Variants in LUZP2 observed in about 807,000 individuals in gnomAD.
LUZP2 encodes the protein leucine zipper protein 2.
A neutral mutation model predicts 51.6 loss-of-function variants in LUZP2; 52 were observed. That is an observed-to-expected ratio of 1.01 (90% confidence interval 0.81 to 1.27). LUZP2 has a LOEUF of 1.27. Ranked by LOEUF, LUZP2 falls within the 50% of genes most tolerant of loss-of-function variation. LUZP2 has a pLI of 0.00. For missense variants in LUZP2, 436 were observed against 395.4 expected, an observed-to-expected ratio of 1.10 and a Z score of -0.87; for synonymous variants, 154 against 137.3, an observed-to-expected ratio of 1.12 and a Z score of -0.85.
Position 24,764,489 on chromosome 11 carries a change from C to CAAAAAAAAAAAAAAAA in LUZP2, c.396+1181_396+1182insAAAAAAAAAAAAAAAA, listed in dbSNP as rs1565124723. Among the ~76,000 whole-genome samples, 56 of 56,400 alleles carry CAAAAAAAAAAAAAAAA rather than the reference C, an allele frequency of 9.9e-4. 6 individuals carry two copies. The highest frequency in any genetic ancestry group is 2.7e-3 in the East Asian group (6 of 2,196). 37.0% of individuals were successfully genotyped at this position (56,400 alleles called of 152,430 possible). On this transcript the variant is annotated intron_variant, in intron 5 of 11. Transcript: ENST00000336930. ...TGGACAACATGGTAAAATCTCATCT[C>CAAAAAAAAAAAAAAAA]TAAAAAAAAAAAAAAAAAAAAAAAA...
At chr11:24,523,075 G>T (rs1033057618) in intron 1 of LUZP2, among the ~76,000 whole-genome samples, 1 of 151,890 alleles carries the variant, frequency 6.6e-6, no homozygotes, top group Non-Finnish European at 1.5e-5. Flanking sequence ...TCCTTGACAA[G>T]TTATCCCAAG....
intron 7 of LUZP2, among the ~76,000 whole-genome samples, chr11:24,921,327 A>G (rs988989743): frequency 1.3e-5 from 2 of 152,138 alleles, no homozygotes; most frequent in South Asian, 2.1e-4. Context: ...TGGTTTGACC[A>G]GGTGTGTCAT....
intron 10 of LUZP2, among the ~76,000 whole-genome samples, chr11:25,050,910 CTT>C (rs971252125): frequency 4.6e-5 from 7 of 152,268 alleles, no homozygotes; most frequent in Non-Finnish European, 1.0e-4. Context: ...TTCAATGAGT[CTT>C]TTCACTCTTT....
intron 7 of LUZP2, among the ~76,000 whole-genome samples, chr11:24,954,944 A>G (rs1338969499): frequency 1.3e-5 from 2 of 152,128 alleles, no homozygotes; most frequent in East Asian, 3.9e-4. Flanking sequence ...GTACCAAATA[A>G]TTTTCCACAA....
intron 1 of LUZP2, among the ~76,000 whole-genome samples, chr11:24,628,284 A>G (rs1258672393): frequency 6.6e-6 from 1 of 152,032 alleles, no homozygotes; most frequent in African/African-American, 2.4e-5. Context: ...TCATTAAGAA[A>G]CATGCTGGTC....
At chr11:24,974,794 TA>T (rs59436510) in intron 7 of LUZP2, among the ~76,000 whole-genome samples, 138,120 of 152,000 alleles carry the variant, frequency 0.91, 64,225 homozygotes, top group Non-Finnish European at 1. Flanking sequence ...ACTTTCGAGG[TA>T]AAAATAAGGC....
intron 4 of LUZP2, among the ~76,000 whole-genome samples, chr11:24,740,297 G>GT (rs1399630690): frequency 1.3e-5 from 2 of 152,142 alleles, no homozygotes; most frequent in Non-Finnish European, 2.9e-5. Flanking sequence ...AAAGAAGAGA[G>GT]TTATAACTTT....
At chr11:24,839,407 G>T (rs1384875293) in intron 5 of LUZP2, among the ~76,000 whole-genome samples, 1 of 151,608 alleles carries the variant, frequency 6.6e-6, no homozygotes, top group Non-Finnish European at 1.5e-5. Context: ...ATTTTTTATA[G>T]AGGTTAAAAC....
At chr11:24,505,053 G>T (rs1306724786) in intron 1 of LUZP2, among the ~76,000 whole-genome samples, 1 of 152,060 alleles carries the variant, frequency 6.6e-6, no homozygotes, top group Non-Finnish European at 1.5e-5. Flanking sequence ...CTGAAAGTGG[G>T]CAGTGACTCG....
Position 24,823,860 on chromosome 11 carries a change from G to A in LUZP2, c.396+60552G>A, listed in dbSNP as rs146059025. On this transcript the variant is annotated intron_variant, in intron 5 of 11. Coordinates refer to ENST00000336930, the MANE Select transcript of LUZP2 (RefSeq NM_001009909.4). Reference sequence around the variant, plus strand: ...GGGTGGATCACAAAGTCAGGAGATCGAGACCATCCTGGCTAACATGGTGAA... The same window carrying A: ...GGGTGGATCACAAAGTCAGGAGATCAAGACCATCCTGGCTAACATGGTGAA... 7.6e-4 allele frequency among the ~76,000 whole-genome samples: 115 copies of A among 151,962 alleles called. 1 individual carries two copies. In the East Asian group the frequency reaches 0.014, roughly 18 times the overall value.
chr11:24,848,890 G>A (rs548361431), intron 5 of LUZP2, among the ~76,000 whole-genome samples: 4 of 152,152 alleles, frequency 2.6e-5, no homozygotes, highest in South Asian at 4.1e-4. Flanking sequence ...TAATATAGGA[G>A]CATAGGAGCA....
In LUZP2 at chr11:24,590,018, G is replaced by A. The variant is rs540476958; in HGVS notation, c.62+92713G>A. ...ATGGACTATTTTTTGTGTAATGTACGTGCATTTAAAATTGTTCTATTTTCT... is the reference window on the plus strand; with the variant it reads ...ATGGACTATTTTTTGTGTAATGTACATGCATTTAAAATTGTTCTATTTTCT... On this transcript the variant is annotated intron_variant, in intron 1 of 11. Transcript: ENST00000336930. Among the ~76,000 whole-genome samples the A allele has an allele frequency of 6.5e-4, 99 of 152,110 alleles. 1 individual carries two copies. The highest frequency in any genetic ancestry group is 2.3e-3 in the African/African-American group (96 of 41,514).
At chr11:24,936,342 T>C (rs1435743080) in intron 7 of LUZP2, among the ~76,000 whole-genome samples, 1 of 152,178 alleles carries the variant, frequency 6.6e-6, no homozygotes, top group African/African-American at 2.4e-5. Flanking sequence ...CCGTTGTCAT[T>C]TGGACATAAC....
rs968316544 is a variant in LUZP2 at position 24,961,753 on chromosome 11, A to G, written c.523-14838A>G. On this transcript the variant is annotated intron_variant, in intron 7 of 11. Transcript: ENST00000336930. ...AAGCATTTAGTCCATTTACATTTAA[A>G]GTTAATATTGTTATGTGTGAATTTG... Among the ~76,000 whole-genome samples the G allele has an allele frequency of 4.0e-5, 6 of 149,300 alleles. No individual in the cohort carries two copies. In the East Asian group the frequency reaches 5.9e-4, roughly 15 times the overall value.
At chr11:24,668,740 A>G (rs1488338393) in intron 1 of LUZP2, among the ~76,000 whole-genome samples, 3 of 152,146 alleles carry the variant, frequency 2.0e-5, no homozygotes, top group African/African-American at 4.8e-5. Context: ...CTCGCTTTCT[A>G]TTATTTATAA....
At chr11:24,682,873 G>T (rs1300373895) in intron 1 of LUZP2, among the ~76,000 whole-genome samples, 1 of 151,430 alleles carries the variant, frequency 6.6e-6, no homozygotes. Flanking sequence ...GCGTGATGGC[G>T]CGTGCCTCTA....
Position 24,515,713 on chromosome 11 carries a change from A to G in LUZP2, c.62+18408A>G, listed in dbSNP as rs901739283. Among the ~76,000 whole-genome samples the G allele has an allele frequency of 3.9e-5, 6 of 152,174 alleles. No individual in the cohort carries two copies. In the South Asian group the frequency reaches 1.0e-3, roughly 26 times the overall value. ...ATAGCAATGTGAAAGGTGCTAAAATAAAATAATAATAATGACAGAACTAAT... is the reference window on the plus strand; with the variant it reads ...ATAGCAATGTGAAAGGTGCTAAAATGAAATAATAATAATGACAGAACTAAT... On this transcript the variant is annotated intron_variant, in intron 1 of 11. Coordinates refer to ENST00000336930, the MANE Select transcript of LUZP2 (RefSeq NM_001009909.4).
At chr11:24,516,325 C>A (rs1850460554) in intron 1 of LUZP2, among the ~76,000 whole-genome samples, 2 of 152,092 alleles carry the variant, frequency 1.3e-5, no homozygotes, top group South Asian at 4.1e-4. Context: ...ACTTGTCAAT[C>A]TGAAATAATT....
chr11:24,966,563 G>C (rs1488406620), intron 7 of LUZP2, among the ~76,000 whole-genome samples: 5 of 149,692 alleles, frequency 3.3e-5, no homozygotes, highest in Admixed American at 1.3e-4. Flanking sequence ...TTTGTGAATA[G>C]TGTGAGGAAA....
Sources: allele counts gnomAD v4.1 joint callset (sites outside exome capture counted in the v4.1 genomes callset), GRCh38; gene constraint gnomAD v4.1.1; transcripts MANE v1.5; gene names NCBI Gene and HGNC (gene_info 2026-07-23, HGNC 2026-07-21).